The following GALNT13 variants were observed in gnomAD, a reference collection of about 807,000 sequenced individuals.
The protein encoded by GALNT13 is UDP-GalNAc:polypeptide N-acetylgalactosaminyltransferase 13.
GALNT13 carries 28 observed loss-of-function variants against 64.2 expected under a neutral mutation model. The observed-to-expected ratio is 0.44, with a 90% CI of 0.32 to 0.60. The LOEUF (loss-of-function observed/expected upper bound fraction) is 0.60, where lower values mean the gene tolerates loss of function less well. Among genes scored for constraint, GALNT13 ranks in the 20% least tolerant of loss-of-function variants. GALNT13 has a pLI of 0.05. For synonymous variants in GALNT13, 214 were observed against 224.6 expected (o/e 0.95, Z 0.42); for missense variants, 577 against 669.8 (o/e 0.86, Z 1.53).
At chr2:153,992,598 G>C (rs1695234021) in intron 3 of GALNT13, among the ~76,000 whole-genome samples, 1 of 152,102 alleles carries the variant, frequency 6.6e-6, no homozygotes, top group Non-Finnish European at 1.5e-5. Context: ...TGGGCATCTA[G>C]ATTCATGAAG....
the GALNT13 span, among the ~76,000 whole-genome samples, chr2:153,212,239 A>C: frequency 6.6e-6 from 1 of 152,234 alleles, no homozygotes; most frequent in Admixed American, 6.5e-5. Flanking sequence ...CAAATAAGCT[A>C]ATAGTTCAAA....
At chr2:153,267,327 A>G in the GALNT13 span, among the ~76,000 whole-genome samples, 1 of 152,192 alleles carries the variant, frequency 6.6e-6, no homozygotes, top group African/African-American at 2.4e-5. Flanking sequence ...TTCTCTCTGC[A>G]TTGCCCTAGT....
chr2:153,647,591 G>A, the GALNT13 span, among the ~76,000 whole-genome samples: 8 of 152,104 alleles, frequency 5.3e-5, no homozygotes, highest in Non-Finnish European at 8.8e-5. Context: ...GGGTTTTTAT[G>A]GTTTTAGGTC....
the GALNT13 span, among the ~76,000 whole-genome samples, chr2:153,334,330 T>C: frequency 2.0e-5 from 3 of 152,216 alleles, no homozygotes; most frequent in African/African-American, 7.2e-5. Flanking sequence ...ATTCATTTAA[T>C]GAGAATCTAT....
At chr2:154,102,788 A>T (rs978341185) in intron 3 of GALNT13, among the ~76,000 whole-genome samples, 40 of 152,120 alleles carry the variant, frequency 2.6e-4, no homozygotes, top group African/African-American at 9.7e-4. Flanking sequence ...GTTTCGTAAT[A>T]TTTGTTTTAT....
chr2:154,065,160 G>A (rs10804096), intron 3 of GALNT13, among the ~76,000 whole-genome samples: 85,851 of 151,894 alleles, frequency 0.57, 26,091 homozygotes, highest in Middle Eastern at 0.7. Flanking sequence ...GAAAGGACAG[G>A]GAAGAGTGGA....
At chr2:153,489,052 T>C in the GALNT13 span, among the ~76,000 whole-genome samples, 6 of 152,198 alleles carry the variant, frequency 3.9e-5, no homozygotes, top group African/African-American at 1.4e-4. Context: ...TTCTCACTTA[T>C]AAGTGGGAAC....
chr2:153,916,775 A>C (rs980294563), intron 2 of GALNT13, among the ~76,000 whole-genome samples: 2 of 129,210 alleles, frequency 1.5e-5, no homozygotes, highest in Admixed American at 1.6e-4. Context: ...TGACTAATAC[A>C]GATTGATAGA....
chr2:153,340,617 C>T, the GALNT13 span, among the ~76,000 whole-genome samples: 7 of 149,942 alleles, frequency 4.7e-5, no homozygotes, highest in Non-Finnish European at 7.4e-5. Context: ...ATTGCACCAA[C>T]GCACTCCAGC....
the GALNT13 span, among the ~76,000 whole-genome samples, chr2:153,494,401 A>G: frequency 6.6e-6 from 1 of 152,042 alleles, no homozygotes; most frequent in African/African-American, 2.4e-5. Flanking sequence ...TTTGGCAACA[A>G]AAGGATAGAT....
chr2:154,353,521 T>G (rs2105262392), intron 9 of GALNT13, among the ~76,000 whole-genome samples: 1 of 152,262 alleles, frequency 6.6e-6, no homozygotes, highest in African/African-American at 2.4e-5. Context: ...ATCTCTAGAC[T>G]TGTTCATCCT....
chr2:154,292,821 T>C (rs548162666), intron 8 of GALNT13, among the ~76,000 whole-genome samples: 1 of 151,816 alleles, frequency 6.6e-6, no homozygotes, highest in African/African-American at 2.4e-5. Flanking sequence ...TTAGAAACAA[T>C]AGTAGCACTG....
the GALNT13 span, among the ~76,000 whole-genome samples, chr2:153,727,016 G>A: frequency 6.7e-6 from 1 of 150,366 alleles, no homozygotes; most frequent in African/African-American, 2.4e-5. Flanking sequence ...GAGAGTATCA[G>A]TAAACCATTG....
chr2:153,768,400 C>T, the GALNT13 span, among the ~76,000 whole-genome samples: 1 of 152,048 alleles, frequency 6.6e-6, no homozygotes, highest in East Asian at 1.9e-4. Flanking sequence ...GTTGAAGTCC[C>T]GTACTATTAT....
the GALNT13 span, among the ~76,000 whole-genome samples, chr2:153,258,782 GT>G: frequency 6.6e-6 from 1 of 151,926 alleles, no homozygotes; most frequent in African/African-American, 2.4e-5. Context: ...ATTTCGTCTT[GT>G]TATCAATTAC....
chr2:153,118,445 TTGC>T, the GALNT13 span, among the ~76,000 whole-genome samples: 1 of 152,174 alleles, frequency 6.6e-6, no homozygotes, highest in Non-Finnish European at 1.5e-5. Flanking sequence ...AAGCAGGTGG[TTGC>T]TGCCTGTTCT....
intron 9 of GALNT13, among the ~76,000 whole-genome samples, chr2:154,340,930 G>A (rs571769583): frequency 4.6e-5 from 7 of 151,790 alleles, no homozygotes; most frequent in African/African-American, 1.7e-4. Flanking sequence ...GTGCCAGTGC[G>A]CTGCGCACGC....
intron 3 of GALNT13, among the ~76,000 whole-genome samples, chr2:153,950,809 C>T (rs1243570562): frequency 1.3e-5 from 2 of 151,882 alleles, no homozygotes; most frequent in African/African-American, 4.8e-5. Context: ...CAAAAACTAC[C>T]TATTGAGTAC....
chr2:153,709,316 T>C, the GALNT13 span, among the ~76,000 whole-genome samples: 2,291 of 151,416 alleles, frequency 0.015, 57 homozygotes, highest in African/African-American at 0.053. Flanking sequence ...AAAACCCAAC[T>C]AAAAGAAGGG....
Sources: allele counts gnomAD v4.1 joint callset (sites outside exome capture counted in the v4.1 genomes callset), GRCh38; gene constraint gnomAD v4.1.1; transcripts MANE v1.5; gene names NCBI Gene and HGNC (gene_info 2026-07-23, HGNC 2026-07-21).